Variants in TMCO1 observed in about 807,000 individuals in gnomAD.
TMCO1 encodes the protein calcium load-activated calcium channel.
TMCO1 carries 29 observed loss-of-function variants against 29.3 expected under a neutral mutation model. That is an observed-to-expected ratio of 0.99 (90% CI 0.74 to 1.35). TMCO1 has a LOEUF of 1.35. TMCO1 is among the 40% of genes most tolerant of loss of function. The probability of loss-of-function intolerance (pLI) is 0.00; values close to 1 mark genes in which losing one functional copy is unlikely to be tolerated. For missense variants in TMCO1, 173 were observed against 225.5 expected (o/e 0.77, Z 1.49); for synonymous variants, 80 against 77.1 (o/e 1.04, Z -0.20).
intron 5 of TMCO1, 57 bp from the exon 6 acceptor site, chr1:165,743,368 A>C: frequency 6.4e-7 from 1 of 1,564,204 alleles, no homozygotes; most frequent in Non-Finnish European, 8.7e-7. Flanking sequence ...CAACTTTCTT[A>C]CTTCCAAAGA....
chr1:165,735,583 C>G (rs1651340211), intron 6 of TMCO1, among the ~76,000 whole-genome samples: 1 of 149,826 alleles, frequency 6.7e-6, no homozygotes, highest in African/African-American at 2.5e-5. Context: ...GGCGCAGTCT[C>G]AGCTCACTGC....
intron 2 of TMCO1, among the ~76,000 whole-genome samples, chr1:165,765,542 A>G (rs955495246): frequency 5.3e-5 from 8 of 152,256 alleles, no homozygotes; most frequent in Admixed American, 4.6e-4. Flanking sequence ...TCAGCCTCCC[A>G]AAGTGCTGGG....
intron 6 of TMCO1, among the ~76,000 whole-genome samples, chr1:165,732,584 T>C (rs1409824754): frequency 1.3e-5 from 2 of 151,684 alleles, no homozygotes; most frequent in Non-Finnish European, 2.9e-5. Flanking sequence ...ATGCAAAGAA[T>C]GGACCCTAAC....
chr1:165,726,284 C>T, downstream of TMCO1: 3 of 695,270 alleles, frequency 4.3e-6, no homozygotes, highest in Non-Finnish European at 7.9e-6. Context: ...ATAGGGACTT[C>T]TGTTCCCTTT....
chr1:165,737,580 C>A (rs1651438823), intron 6 of TMCO1, among the ~76,000 whole-genome samples: 1 of 152,042 alleles, frequency 6.6e-6, no homozygotes, highest in African/African-American at 2.4e-5. Flanking sequence ...GAACCAATCT[C>A]AAAGAGAAAA....
intron 6 of TMCO1, among the ~76,000 whole-genome samples, chr1:165,741,545 G>A (rs1356611982): frequency 1.3e-5 from 2 of 152,208 alleles, no homozygotes; most frequent in Non-Finnish European, 2.9e-5. Flanking sequence ...AAACTATTAA[G>A]CAAGCCAGAA....
intron 1 of TMCO1, 41 bp from the exon 2 acceptor site, chr1:165,768,310 G>T: frequency 6.3e-7 from 1 of 1,580,244 alleles, no homozygotes; most frequent in South Asian, 1.1e-5. Context: ...GAAATGACTG[G>T]AATGATCACA....
rs575130256 is a variant in TMCO1, at chr1:165,753,449, G to A, written c.255+779C>T. Among the ~76,000 whole-genome samples, 4 of 139,466 alleles carry A rather than the reference G, an allele frequency of 2.9e-5. No individual in the cohort carries two copies. In the South Asian group the frequency reaches 7.2e-4, roughly 25 times the overall value. 91.5% of individuals were successfully genotyped at this position (139,466 alleles called of 152,430 possible). ...GGTAGAGCCACTGCACTCCAACCTT[G>A]GTAATAGAGCAAGACTCTGTCTCAA... On this transcript the variant is annotated intron_variant, in intron 4 of 6. Coordinates refer to ENST00000367881, the MANE Select transcript of TMCO1 (RefSeq NM_019026.6).
intron 5 of TMCO1, among the ~76,000 whole-genome samples, chr1:165,745,089 T>C (rs994356156): frequency 1.7e-4 from 26 of 151,938 alleles, no homozygotes; most frequent in Non-Finnish European, 2.9e-4. Flanking sequence ...GGTGCAATCA[T>C]GGCTCACTGC....
chr1:165,758,803 G>A (rs1331736737), intron 3 of TMCO1, among the ~76,000 whole-genome samples: 2 of 152,066 alleles, frequency 1.3e-5, no homozygotes, highest in Admixed American at 6.6e-5. Context: ...ATCCAGGATC[G>A]CTATACTAAC....
At position 165,727,725 on chromosome 1, in the gene TMCO1, A is replaced by G. The variant is rs988960185; in HGVS notation, c.*298T>C. The G allele has an allele frequency of 6.6e-6, 3 of 456,454 alleles. No homozygotes were observed. The highest frequency in any genetic ancestry group is 1.3e-5 in the Non-Finnish European group (3 of 228,516). The allele number at this position is 456,454 out of a possible 1,614,324, so 28.3% of individuals were successfully genotyped here. A position where few individuals can be genotyped will look rare whatever the true frequency, so the allele number is the denominator to read the frequency against. ...ACACAGTGCCTTGAGAGTCGGTCCC[A>G]CAGAAAATACTTATGTAAATGAAAC... On this transcript the variant is annotated 3_prime_UTR_variant, in exon 7 of 7. Transcript: ENST00000367881.
Position 165,768,202 on chromosome 1 carries a change from C to G in TMCO1, c.138G>C (p.Gln46His). Residue 46 changes from glutamine (Q) to histidine (H), a missense_variant, in exon 2 of 7, where the codon CAG (glutamine) becomes CAC (histidine). Physicochemically the swap from Gln to His is conservative, Grantham distance 24. Transcript: ENST00000367881. ...YKRLKAEVEK[Q>H]SKKLEKKKET... ...TGTTGCCATACTCACATTTTTTACTCTGTTTTTCCACTTCTGCCTTCAGTC... is the reference window on the plus strand; with the variant it reads ...TGTTGCCATACTCACATTTTTTACTGTGTTTTTCCACTTCTGCCTTCAGTC... The G allele has an allele frequency of 1.9e-6, 3 of 1,613,762 alleles. No individual in the cohort carries two copies. Among genetic ancestry groups the G allele is most frequent in the Non-Finnish European group, 2.5e-6 (3 of 1,179,790 alleles).
At chr1:165,731,103 G>A (rs1200872973) in intron 6 of TMCO1, among the ~76,000 whole-genome samples, 1 of 152,056 alleles carries the variant, frequency 6.6e-6, no homozygotes, top group African/African-American at 2.4e-5. Flanking sequence ...GTATCACCAT[G>A]TTGGCCAGGA....
chr1:165,736,989 T>C (rs1338056957), intron 6 of TMCO1, among the ~76,000 whole-genome samples: 1 of 152,128 alleles, frequency 6.6e-6, no homozygotes, highest in East Asian at 1.9e-4. Flanking sequence ...GTATTTTTTG[T>C]AGAGATGAGA....
At chr1:165,757,986 C>T (rs994718626) in intron 3 of TMCO1, among the ~76,000 whole-genome samples, 1 of 152,014 alleles carries the variant, frequency 6.6e-6, no homozygotes, top group Non-Finnish European at 1.5e-5. Flanking sequence ...AAGAGTTGTC[C>T]ATGTTGAATG....
At chr1:165,724,356 CA>C, downstream of TMCO1, 1 of 454,056 alleles carries the variant, frequency 2.2e-6, no homozygotes, top group Non-Finnish European at 4.4e-6. Flanking sequence ...ATTACAGAGA[CA>C]ACCAATAGTA....
In TMCO1 at chr1:165,768,288, C is replaced by CATGTTAATAGAGAA. The variant is rs1652649682; in HGVS notation, c.71-33_71-20dup. On this transcript the variant is annotated intron_variant, in intron 1 of 6. Transcript: ENST00000367881. ...GTTATGCCTAAAACATTAAAAGCAA[C>CATGTTAATAGAGAA]ATGTTAATAGAGAAATGACTGGAAT... The CATGTTAATAGAGAA allele has an allele frequency of 6.2e-7, 1 of 1,604,718 alleles. No homozygotes were observed. The highest frequency in any genetic ancestry group is 1.3e-5 in the African/African-American group (1 of 74,694).
intron 6 of TMCO1, among the ~76,000 whole-genome samples, chr1:165,732,387 G>GT (rs1651195878): frequency 2.4e-4 from 5 of 20,634 alleles, no homozygotes; most frequent in African/African-American, 1.0e-3. Flanking sequence ...ACATAAAGAA[G>GT]CAAAAAAAAA....
At chr1:165,757,424 T>C (rs1320535940) in intron 3 of TMCO1, among the ~76,000 whole-genome samples, 5 of 152,260 alleles carry the variant, frequency 3.3e-5, no homozygotes, top group African/African-American at 9.6e-5. Context: ...GGATAGATCA[T>C]CTTTCAAGCA....
Sources: gnomAD v4.1 joint callset for allele counts (sites outside exome capture counted in the v4.1 genomes callset) on GRCh38, gnomAD v4.1.1 for gene constraint, MANE v1.5 for transcripts, NCBI Gene and HGNC (gene_info 2026-07-23, HGNC 2026-07-21) for gene names.